Variants in HTR4 observed in about 807,000 individuals in gnomAD.
HTR4 encodes the protein 5-hydroxytryptamine receptor 4.
Under a neutral mutation model 36.8 loss-of-function variants are expected in HTR4, and 16 were observed. That is an observed-to-expected ratio of 0.43 (90% CI 0.29 to 0.66). The LOEUF is 0.66. Among genes scored for constraint, HTR4 ranks in the 30% least tolerant of loss-of-function variants. HTR4 has a pLI of 0.13. For synonymous variants in HTR4, 189 were observed against 185.1 expected, an observed-to-expected ratio of 1.02 and a Z score of -0.17; for missense variants, 438 against 490.9, an observed-to-expected ratio of 0.89 and a Z score of 1.02.
intron 4 of HTR4, among the ~76,000 whole-genome samples, chr5:148,541,982 G>A (rs910986788): frequency 1.3e-5 from 2 of 151,494 alleles, no homozygotes; most frequent in Non-Finnish European, 2.9e-5. Flanking sequence ...TCTCCTTATA[G>A]TATTCAATGG....
intron 2 of HTR4, among the ~76,000 whole-genome samples, chr5:148,592,479 G>GT (rs76922150): frequency 0.024 from 3,693 of 152,176 alleles, 146 homozygotes; most frequent in East Asian, 0.11. Flanking sequence ...AAAGCCCCAT[G>GT]TCTTCTAGTC....
intron 2 of HTR4, among the ~76,000 whole-genome samples, chr5:148,633,557 CTG>C (rs994664614): frequency 1.4e-5 from 2 of 143,416 alleles, no homozygotes; most frequent in Non-Finnish European, 3.0e-5. Context: ...AGTCCCCAGA[CTG>C]TGATGTTCCC....
chr5:148,571,637 C>T (rs1760682695), intron 2 of HTR4, among the ~76,000 whole-genome samples: 1 of 151,964 alleles, frequency 6.6e-6, no homozygotes, highest in East Asian at 1.9e-4. Flanking sequence ...AAAAATATGA[C>T]TTTCAAGAGC....
At chr5:148,592,795 T>G (rs1009930443) in intron 2 of HTR4, among the ~76,000 whole-genome samples, 2 of 152,172 alleles carry the variant, frequency 1.3e-5, no homozygotes, top group Non-Finnish European at 2.9e-5. Flanking sequence ...CCCTATGTCC[T>G]TTAAAATTTC....
intron 5 of HTR4, among the ~76,000 whole-genome samples, chr5:148,513,205 G>T (rs1019588388): frequency 1.3e-5 from 2 of 151,960 alleles, no homozygotes; most frequent in African/African-American, 4.8e-5. Context: ...GGCTCAGACT[G>T]GTCTCAAACT....
chr5:148,550,258 C>G lies in HTR4; in HGVS notation c.31G>C (p.Glu11Gln). MDKLDANVSS[E>Q]EGFGSVEKVV... is the part of the protein sequence containing the mutation. ...TTCTCCACTGACCCGAAACCCTCCTCAGAACTGAAAGACACACACAAGCAC... is the reference window on the plus strand; with the variant it reads ...TTCTCCACTGACCCGAAACCCTCCTGAGAACTGAAAGACACACACAAGCAC... Residue 11 changes from glutamate to glutamine, a missense_variant, in exon 3 of 7, where the codon GAG (glutamate) becomes CAG (glutamine). Physicochemically the swap from Glu to Gln is conservative, Grantham distance 29. Transcript: ENST00000377888. 1 of 1,614,070 alleles carries G rather than the reference C, an allele frequency of 6.2e-7. No individual in the cohort carries two copies. The highest frequency in any genetic ancestry group is 2.2e-5 in the East Asian group (1 of 44,876).
intron 2 of HTR4, among the ~76,000 whole-genome samples, chr5:148,613,220 A>G (rs1025968173): frequency 6.7e-6 from 1 of 150,274 alleles, no homozygotes; most frequent in Non-Finnish European, 1.5e-5. Context: ...GGGCAGAGAC[A>G]CAACCAAAAA....
chr5:148,631,380 A>G (rs1485619742), intron 2 of HTR4, among the ~76,000 whole-genome samples: 1 of 152,140 alleles, frequency 6.6e-6, no homozygotes, highest in South Asian at 2.1e-4. Context: ...CTGAAGAGAG[A>G]TTTCCTGCAA....
downstream of HTR4, among the ~76,000 whole-genome samples, chr5:148,476,227 T>C (rs145236323): frequency 1.6e-3 from 245 of 152,356 alleles, no homozygotes; most frequent in African/African-American, 5.7e-3. Context: ...TCTCAATAGA[T>C]GCCATTATTG....
intron 5 of HTR4, among the ~76,000 whole-genome samples, chr5:148,464,528 G>C (rs568716658): frequency 6.6e-6 from 1 of 152,140 alleles, no homozygotes; most frequent in Non-Finnish European, 1.5e-5. Flanking sequence ...TGCAGATGGA[G>C]ATGAGACACC....
intron 2 of HTR4, among the ~76,000 whole-genome samples, chr5:148,576,123 A>AAAAAACAAAC (rs1760900336): frequency 6.9e-6 from 1 of 145,858 alleles, no homozygotes; most frequent in Non-Finnish European, 1.5e-5. Context: ...AAAAAAAAAA[A>AAAAAACAAAC]AAAAAAAAAA....
At chr5:148,592,465 G>T (rs1276117249) in intron 2 of HTR4, among the ~76,000 whole-genome samples, 1 of 151,622 alleles carries the variant, frequency 6.6e-6, no homozygotes, top group Non-Finnish European at 1.5e-5. Context: ...GCTCTCTAAG[G>T]ATAAAAGCCC....
intron 4 of HTR4, among the ~76,000 whole-genome samples, chr5:148,526,641 T>C (rs1268256483): frequency 1.3e-5 from 2 of 152,142 alleles, no homozygotes; most frequent in Non-Finnish European, 2.9e-5. Flanking sequence ...TATTAGTGGA[T>C]AAATGAGTAT....
chr5:148,521,134 T>C (rs1180553664), intron 5 of HTR4, among the ~76,000 whole-genome samples: 1 of 152,234 alleles, frequency 6.6e-6, no homozygotes, highest in Non-Finnish European at 1.5e-5. Flanking sequence ...AACTTCCTTA[T>C]GGAATATATA....
chr5:148,626,411 C>T (rs1006549415), intron 2 of HTR4, among the ~76,000 whole-genome samples: 2 of 152,112 alleles, frequency 1.3e-5, no homozygotes, highest in African/African-American at 4.8e-5. Context: ...ATTTATTTTC[C>T]AAATACCTGC....
At chr5:148,490,819 A>C in intron 6 of HTR4, 6 of 724,142 alleles carry the variant, frequency 8.3e-6, no homozygotes, top group Non-Finnish European at 1.3e-5. Flanking sequence ...ATGCAGAAGA[A>C]GTCGAATTCC....
intron 1 of HTR4, among the ~76,000 whole-genome samples, chr5:148,638,191 T>C (rs1395051791): frequency 6.6e-6 from 1 of 152,154 alleles, no homozygotes; most frequent in Admixed American, 6.5e-5. Flanking sequence ...TTTTTCGATG[T>C]TTGTTTCTTA....
intron 6 of HTR4, among the ~76,000 whole-genome samples, chr5:148,498,107 T>C (rs1756766398): frequency 6.6e-6 from 1 of 152,222 alleles, no homozygotes; most frequent in South Asian, 2.1e-4. Flanking sequence ...TTCAAAAGCA[T>C]ATTTTATTTC....
rs140757298 is a variant in HTR4, at chr5:148,482,826, C to G, written c.*377G>C. 54 of 1,063,076 alleles carry G rather than the reference C, an allele frequency of 5.1e-5. No individual in the cohort carries two copies. Among genetic ancestry groups the G allele is most frequent in the Admixed American group, 1.4e-4 (3 of 21,680 alleles). The allele number at this position is 1,063,076 out of a possible 1,614,324, so 65.9% of individuals were successfully genotyped here. On this transcript the variant is annotated 3_prime_UTR_variant, in exon 7 of 7. Transcript: ENST00000377888. ...CTGGAAGCCCACACAGCAAAGAAGG[C>G]GTATTTGGAGACATCAGTGACCGAG...
Sources: allele counts gnomAD v4.1 joint callset (sites outside exome capture counted in the v4.1 genomes callset), GRCh38; gene constraint gnomAD v4.1.1; transcripts MANE v1.5; gene names NCBI Gene and HGNC (gene_info 2026-07-23, HGNC 2026-07-21).